The following CATSPERE variants were observed in gnomAD, a reference collection of about 807,000 sequenced individuals.
CATSPERE encodes cation channel sperm-associated auxiliary subunit epsilon.
CATSPERE carries 93 observed loss-of-function variants against 114.1 expected under a neutral mutation model. That is an observed-to-expected ratio of 0.81 (90% confidence interval 0.69 to 0.97). The LOEUF is 0.97. Among genes scored for constraint, CATSPERE ranks in the 50% least tolerant of loss-of-function variants. The pLI is 0.00. For missense variants in CATSPERE, 1,058 were observed against 1,131.6 expected (o/e 0.93, Z 0.93); for synonymous variants, 341 against 384.1 (o/e 0.89, Z 1.31).
chr1:244,507,451 T>G (rs1039993636), intron 7 of CATSPERE, among the ~76,000 whole-genome samples: 1 of 152,224 alleles, frequency 6.6e-6, no homozygotes, highest in Non-Finnish European at 1.5e-5. Context: ...TTCACTTCAT[T>G]GATTGTTTCC....
chr1:244,572,494 G>C lies in CATSPERE; in HGVS notation c.1672G>C (p.Asp558His). The C allele has an allele frequency of 6.2e-7, 1 of 1,614,126 alleles. No homozygotes were observed. The highest frequency in any genetic ancestry group is 1.7e-4 in the Middle Eastern group (1 of 6,060). Reference protein sequence around the residue: ...GQTYFLYALDDGTIQIQDYPL... With the variant: ...GQTYFLYALDHGTIQIQDYPL... Reference sequence around the variant, plus strand: ...AACATATTTCCTGTATGCTTTGGATGATGGCACAATACAAATACAGGACTA... The same window carrying C: ...AACATATTTCCTGTATGCTTTGGATCATGGCACAATACAAATACAGGACTA... Residue 558 changes from aspartate (D) to histidine (H), a missense_variant, in exon 11 of 22, where the codon GAT (aspartate) becomes CAT (histidine). Physicochemically the swap from Asp to His is moderately conservative, Grantham distance 81. Transcript: ENST00000366534.
chr1:244,459,947 G>A (rs1443366644), upstream of CATSPERE, among the ~76,000 whole-genome samples: 1 of 152,154 alleles, frequency 6.6e-6, no homozygotes, highest in African/African-American at 2.4e-5. Context: ...CCTGTCAGCA[G>A]GAAGAAGCCA....
At chr1:244,542,880 CA>C (rs1470165002) in intron 8 of CATSPERE, among the ~76,000 whole-genome samples, 1 of 152,124 alleles carries the variant, frequency 6.6e-6, no homozygotes, top group Non-Finnish European at 1.5e-5. Context: ...CATCTCTAAT[CA>C]TTAGGGAAAT....
At chr1:244,525,816 ATATACT>A (rs1455674828) in intron 8 of CATSPERE, among the ~76,000 whole-genome samples, 2 of 152,240 alleles carry the variant, frequency 1.3e-5, no homozygotes, top group African/African-American at 2.4e-5. Context: ...GACACCAAAC[ATATACT>A]TATTAGTTTT....
chr1:244,604,130 T>C (rs1347795672), intron 17 of CATSPERE, among the ~76,000 whole-genome samples: 2 of 152,232 alleles, frequency 1.3e-5, no homozygotes, highest in African/African-American at 4.8e-5. Flanking sequence ...CAAAAATACA[T>C]GTATGCCTGC....
intron 20 of CATSPERE, among the ~76,000 whole-genome samples, chr1:244,634,154 G>A (rs182389075): frequency 8.6e-5 from 13 of 152,024 alleles, no homozygotes; most frequent in African/African-American, 2.2e-4. Flanking sequence ...GTGAGCCACC[G>A]TGCCCAGCCT....
chr1:244,505,477 A>C (rs961951178), intron 7 of CATSPERE, among the ~76,000 whole-genome samples: 4 of 152,148 alleles, frequency 2.6e-5, no homozygotes, highest in Admixed American at 1.3e-4. Context: ...ATATTTAACT[A>C]TCTGTATTTA....
intron 7 of CATSPERE, among the ~76,000 whole-genome samples, chr1:244,506,608 C>G (rs1201034444): frequency 6.6e-6 from 1 of 151,950 alleles, no homozygotes; most frequent in Non-Finnish European, 1.5e-5. Flanking sequence ...TATTGAGTAA[C>G]AAGATTTTTG....
chr1:244,543,063 C>CA (rs1659119046), intron 8 of CATSPERE, among the ~76,000 whole-genome samples: 1 of 152,072 alleles, frequency 6.6e-6, no homozygotes, highest in Non-Finnish European at 1.5e-5. Context: ...GGAAGTTTCT[C>CA]AAAAAACTCA....
At chr1:244,457,506 G>A (rs1253070339), upstream of CATSPERE, 2 of 152,204 alleles carry the variant, frequency 1.3e-5, no homozygotes, top group South Asian at 2.1e-4. Flanking sequence ...AAAAAAAGGA[G>A]GAGAGAGAGA....
chr1:244,451,673 G>A, upstream of CATSPERE: 2 of 1,611,990 alleles, frequency 1.2e-6, no homozygotes, highest in Non-Finnish European at 1.7e-6. The surrounding 1 kb of genome is among the most constrained non-coding windows in gnomAD (Gnocchi z 6.6). Context: ...TGCGCCAGCA[G>A]GTCCACCACC....
At chr1:244,532,867 G>A (rs1270364522) in intron 8 of CATSPERE, among the ~76,000 whole-genome samples, 1 of 152,044 alleles carries the variant, frequency 6.6e-6, no homozygotes, top group East Asian at 1.9e-4. Flanking sequence ...GTATCTCTTA[G>A]GTCCATTTGG....
rs191803785 is a variant in CATSPERE, at chr1:244,618,268, A to G, written c.2648+582A>G. Among the ~76,000 whole-genome samples the G allele has an allele frequency of 3.3e-5, 5 of 152,280 alleles. No homozygotes were observed. In the East Asian group the frequency reaches 5.8e-4, roughly 18 times the overall value. ...CTAAACGTTAGCAAAAGGTTAGCAT[A>G]TTGTCTATGGCTTGTGGAGTCGCAA... is the stretch of plus-strand genomic sequence containing the variant. On this transcript the variant is annotated intron_variant, in intron 20 of 21. Transcript: ENST00000366534.
At chr1:244,490,037 A>G (rs1473908400) in intron 5 of CATSPERE, among the ~76,000 whole-genome samples, 1 of 152,188 alleles carries the variant, frequency 6.6e-6, no homozygotes, top group Non-Finnish European at 1.5e-5. Context: ...GAAATGTGTG[A>G]GGATGAACAG....
At chr1:244,547,142 C>A (rs1659881849) in intron 8 of CATSPERE, among the ~76,000 whole-genome samples, 1 of 152,014 alleles carries the variant, frequency 6.6e-6, no homozygotes, top group South Asian at 2.1e-4. Flanking sequence ...GACTTCTCAG[C>A]AGAAGTCTTA....
chr1:244,503,807 G>A (rs1674425957), intron 7 of CATSPERE, among the ~76,000 whole-genome samples: 2 of 152,118 alleles, frequency 1.3e-5, no homozygotes, highest in African/African-American at 2.4e-5. Flanking sequence ...CTGGGCTCAA[G>A]CGATCCACCC....
intron 14 of CATSPERE, among the ~76,000 whole-genome samples, chr1:244,588,887 C>T (rs1217147985): frequency 6.6e-6 from 1 of 152,120 alleles, no homozygotes; most frequent in Non-Finnish European, 1.5e-5. Context: ...ACCAGTTTTC[C>T]ATCCTTCTCA....
intron 20 of CATSPERE, among the ~76,000 whole-genome samples, chr1:244,622,078 G>A (rs1672467197): frequency 6.6e-6 from 1 of 152,146 alleles, no homozygotes; most frequent in Non-Finnish European, 1.5e-5. Flanking sequence ...TGACACCCAG[G>A]CCTCCTCTAA....
chr1:244,479,477 C>T (rs1404454888), intron 4 of CATSPERE, among the ~76,000 whole-genome samples: 1 of 151,982 alleles, frequency 6.6e-6, no homozygotes, highest in Non-Finnish European at 1.5e-5. Context: ...GCAAAATTAC[C>T]CCAGTGAATG....
Sources: gnomAD v4.1 joint callset for allele counts (sites outside exome capture counted in the v4.1 genomes callset) on GRCh38, gnomAD v4.1.1 for gene constraint, Gnocchi (gnomAD v3.1) non-coding constraint, MANE v1.5 for transcripts, NCBI Gene and HGNC (gene_info 2026-07-23, HGNC 2026-07-21) for gene names.